TOGARAM1: variants seen among roughly 807,000 people sequenced by gnomAD.
TOGARAM1 encodes the protein TOG array regulator of axonemal microtubules protein 1.
Under a neutral mutation model 166.6 loss-of-function variants are expected in TOGARAM1, and 100 were observed. That is an observed-to-expected ratio of 0.60 (90% CI 0.51 to 0.71). The LOEUF is 0.71. Ranked by LOEUF, TOGARAM1 falls within the 30% of genes least tolerant of loss-of-function variation. The probability of loss-of-function intolerance (pLI) is 0.00; values close to 1 mark genes in which losing one functional copy is unlikely to be tolerated. For missense variants in TOGARAM1, 2,029 were observed against 2,102.7 expected (o/e 0.96, Z 0.69); for synonymous variants, 758 against 763.8 (o/e 0.99, Z 0.13).
At chr14:44,976,156 G>A (rs1381298160) in intron 1 of TOGARAM1, among the ~76,000 whole-genome samples, 2 of 151,844 alleles carry the variant, frequency 1.3e-5, no homozygotes, top group Admixed American at 6.6e-5. Context: ...TCTTTCATTG[G>A]CTCCAACAAT....
chr14:45,038,380 C>T (rs568073822), intron 11 of TOGARAM1, among the ~76,000 whole-genome samples: 1 of 152,360 alleles, frequency 6.6e-6, no homozygotes, highest in South Asian at 2.1e-4. Context: ...GCCCAGATCC[C>T]ATGCCTACAA....
chr14:45,024,154 T>A (rs752689285), intron 7 of TOGARAM1, among the ~76,000 whole-genome samples: 32 of 152,198 alleles, frequency 2.1e-4, no homozygotes, highest in Non-Finnish European at 4.1e-4. Context: ...TTAATACTAG[T>A]TTTTTTAGTT....
At chr14:45,067,092 A>G (rs1739660575) in intron 17 of TOGARAM1, among the ~76,000 whole-genome samples, 1 of 152,150 alleles carries the variant, frequency 6.6e-6, no homozygotes, top group African/African-American at 2.4e-5. Context: ...TACATATCAT[A>G]TATAGATATA....
At position 45,004,279 on chromosome 14, in the gene TOGARAM1, C is replaced by G. The variant is rs929222457; in HGVS notation, c.2557C>G (p.Leu853Val). The G allele has an allele frequency of 6.2e-7, 1 of 1,614,128 alleles. No individual in the cohort carries two copies. Among genetic ancestry groups the G allele is most frequent in the Non-Finnish European group, 8.5e-7 (1 of 1,180,020 alleles). ...TGTTAATTTCTCAAATTCCTGGCCTCTTAAAAGCTTCGAAGGACTATCAAA... is the reference window on the plus strand; with the variant it reads ...TGTTAATTTCTCAAATTCCTGGCCTGTTAAAAGCTTCGAAGGACTATCAAA... ...NSVNFSNSWP[L>V]KSFEGLSKPS... The change falls in exon 4 of 20, where the codon CTT (leucine) becomes GTT (valine). Residue 853 changes from leucine (L) to valine (V), a missense_variant. Coordinates refer to ENST00000361462, the MANE Select transcript of TOGARAM1 (RefSeq NM_001308120.2).
In TOGARAM1 at chr14:45,068,595, A is replaced by G. The variant is rs757833741; in HGVS notation, c.4921A>G (p.Ile1641Val). 1.9e-6 allele frequency: 3 copies of G among 1,613,236 alleles called. No individual in the cohort carries two copies. The highest frequency in any genetic ancestry group is 1.7e-6 in the Non-Finnish European group (2 of 1,179,604). ...DNNLNSKNPG[I>V]YAAATNVVQA... ...CAATCTGAATTCCAAGAATCCAGGC[A>G]TCTATGCGGCTGCTACAAATGTTGT... The change falls in exon 18 of 20, where the codon ATC becomes GTC. Residue 1641 changes from isoleucine (I) to valine (V), a missense_variant. Around this residue, in one of 2 missense-constraint regions of TOGARAM1, gnomAD observed 576 missense variants for 670.5 expected, o/e 0.86. Transcript: ENST00000361462.
At chr14:45,051,153 T>A (rs908259101) in intron 14 of TOGARAM1, among the ~76,000 whole-genome samples, 15 of 152,214 alleles carry the variant, frequency 9.9e-5, no homozygotes, top group Non-Finnish European at 1.8e-4. Context: ...TTCATATAAA[T>A]AAGAAAACCT....
rs369615536 is a variant in TOGARAM1 at position 45,068,408 on chromosome 14, A to G, written c.4750-16A>G. The stretch of plus-strand genomic sequence containing the variant: ...AAAATCATTTTACTTTAAATAATTT[A>G]CCAATTTATTTTCAGATTTTTGATG... On this transcript the variant is annotated splice_polypyrimidine_tract_variant and intron_variant, in intron 17 of 19. Transcript: ENST00000361462. 2 of 1,531,544 alleles carry G rather than the reference A, an allele frequency of 1.3e-6. No individual in the cohort carries two copies. The highest frequency in any genetic ancestry group is 1.4e-5 in the African/African-American group (1 of 72,494). 94.9% of individuals were successfully genotyped at this position (1,531,544 alleles called of 1,614,324 possible).
At chr14:45,058,295 G>A (rs7160051) in intron 16 of TOGARAM1, among the ~76,000 whole-genome samples, 151,099 of 151,128 alleles carry the variant, frequency 1, 75,535 homozygotes, top group Middle Eastern at 1. Flanking sequence ...TATGTAGAGT[G>A]TCTTTTTTTT....
chr14:45,072,968 A>G (rs376603384), intron 19 of TOGARAM1, among the ~76,000 whole-genome samples: 2 of 152,212 alleles, frequency 1.3e-5, no homozygotes, highest in South Asian at 2.1e-4. Flanking sequence ...TGCTATTTCA[A>G]AGTCATGTTT....
chr14:45,070,109 G>A (rs1249425274), intron 18 of TOGARAM1, among the ~76,000 whole-genome samples: 2 of 152,214 alleles, frequency 1.3e-5, no homozygotes, highest in Admixed American at 1.3e-4. Context: ...ATGAACCCGG[G>A]AGGTGGAGCT....
chr14:45,051,823 G>A (rs1483798555), intron 14 of TOGARAM1, among the ~76,000 whole-genome samples: 3 of 152,080 alleles, frequency 2.0e-5, no homozygotes, highest in Non-Finnish European at 4.4e-5. Flanking sequence ...GCCTCCCAAA[G>A]TGCTGGGATT....
rs1879420782 is a variant in TOGARAM1, at chr14:45,006,248, A to G, written c.2885A>G (p.Lys962Arg). ...CTTTCAGAATTAAATTTCAAGGATAAAGATTTGGATCAAGAAGAGGTTAGA... is the reference window on the plus strand; with the variant it reads ...CTTTCAGAATTAAATTTCAAGGATAGAGATTTGGATCAAGAAGAGGTTAGA... ...IDLSELNFKD[K>R]DLDQEEMHSS... The change falls in exon 5 of 20, where the codon AAA becomes AGA. Residue 962 changes from lysine to arginine, a missense_variant. Physicochemically the swap from Lys to Arg is conservative, Grantham distance 26. Coordinates refer to ENST00000361462, the MANE Select transcript of TOGARAM1 (RefSeq NM_001308120.2). The G allele has an allele frequency of 6.2e-7, 1 of 1,611,210 alleles. No homozygotes were observed. Among genetic ancestry groups the G allele is most frequent in the African/African-American group, 1.3e-5 (1 of 74,778 alleles).
At chr14:44,977,187 G>C (rs1886242196) in intron 1 of TOGARAM1, among the ~76,000 whole-genome samples, 1 of 150,988 alleles carries the variant, frequency 6.6e-6, no homozygotes, top group Non-Finnish European at 1.5e-5. Flanking sequence ...AAAATAATTT[G>C]GGCCTTCTGA....
chr14:44,969,736 G>A (rs541089638), intron 1 of TOGARAM1, among the ~76,000 whole-genome samples: 1 of 152,186 alleles, frequency 6.6e-6, no homozygotes, highest in African/African-American at 2.4e-5. Context: ...AGGGTGTCAG[G>A]TCTGTTTCTA....
At chr14:44,965,277 A>G (rs1371996892) in intron 1 of TOGARAM1, among the ~76,000 whole-genome samples, 1 of 152,216 alleles carries the variant, frequency 6.6e-6, no homozygotes, top group Non-Finnish European at 1.5e-5. Flanking sequence ...TAGTAATTCA[A>G]TAATATGTAA....
At chr14:45,028,511 G>A (rs1880989504) in intron 10 of TOGARAM1, among the ~76,000 whole-genome samples, 182 bp downstream of exon 10, 1 of 152,146 alleles carries the variant, frequency 6.6e-6, no homozygotes, top group African/African-American at 2.4e-5. Flanking sequence ...TTCTGCCCCT[G>A]TGAATATCTT....
intron 1 of TOGARAM1, among the ~76,000 whole-genome samples, chr14:44,967,282 C>T (rs932524135): frequency 6.6e-6 from 1 of 152,090 alleles, no homozygotes; most frequent in African/African-American, 2.4e-5. Flanking sequence ...ATATTTGAAT[C>T]TCCCTTCGTT....
intron 19 of TOGARAM1, 98 bp from the exon 20 acceptor site, chr14:45,073,198 A>G (rs1566681735): frequency 1.4e-5 from 16 of 1,175,620 alleles, no homozygotes; most frequent in Non-Finnish European, 1.9e-5. Flanking sequence ...CAAATTACAT[A>G]AGGAAGAAGC....
intron 6 of TOGARAM1, among the ~76,000 whole-genome samples, chr14:45,010,648 A>G (rs2138857782): frequency 6.6e-6 from 1 of 152,318 alleles, no homozygotes; most frequent in South Asian, 2.1e-4. Flanking sequence ...GCACACCCTC[A>G]TTTATGGACT....
Sources: gnomAD v4.1 joint callset for allele counts (sites outside exome capture counted in the v4.1 genomes callset) on GRCh38, gnomAD v4.1.1 for gene constraint, gnomAD v4.1.1 regional missense constraint, MANE v1.5 for transcripts, NCBI Gene and HGNC (gene_info 2026-07-23, HGNC 2026-07-21) for gene names.